Variants in JAZF1 observed in about 807,000 individuals in gnomAD.
JAZF1 encodes juxtaposed with another zinc finger protein 1.
In JAZF1, 8 loss-of-function variants were observed where a neutral mutation model predicts 26.4. The ratio of observed to expected loss-of-function variants is 0.30; its 90% CI spans 0.18 to 0.55. The LOEUF (loss-of-function observed/expected upper bound fraction) is 0.55, where lower values mean the gene tolerates loss of function less well. Among genes scored for constraint, JAZF1 ranks in the 20% least tolerant of loss-of-function variants. The pLI is 0.94. For missense variants in JAZF1, 199 were observed against 322.0 expected (o/e 0.62, Z 2.92); for synonymous variants, 126 against 122.3 (o/e 1.03, Z -0.20).
At chr7:28,029,922 G>C (rs1182545428) in intron 1 of JAZF1, among the ~76,000 whole-genome samples, 2 of 152,224 alleles carry the variant, frequency 1.3e-5, no homozygotes, top group African/African-American at 4.8e-5. Flanking sequence ...GGGTTGAGGT[G>C]AATGGAGCAC....
intron 1 of JAZF1, among the ~76,000 whole-genome samples, chr7:28,051,086 C>T (rs184835530): frequency 1.2e-4 from 17 of 141,306 alleles, no homozygotes; most frequent in Admixed American, 8.9e-4. Flanking sequence ...CAGCCAAGAT[C>T]GCACCATTGC....
At chr7:27,923,492 G>A (rs1470194922) in intron 2 of JAZF1, among the ~76,000 whole-genome samples, 1 of 152,224 alleles carries the variant, frequency 6.6e-6, no homozygotes, top group Non-Finnish European at 1.5e-5. Context: ...TCCGCTGCCA[G>A]ACTCAGCCTC....
intron 1 of JAZF1, among the ~76,000 whole-genome samples, chr7:28,039,878 T>C (rs1783359436): frequency 6.6e-6 from 1 of 152,206 alleles, no homozygotes; most frequent in South Asian, 2.1e-4. Context: ...TTCACTATAC[T>C]TGTCAGTTAA....
At position 28,110,509 on chromosome 7, in the gene JAZF1, G is replaced by A. The variant is rs71532946; in HGVS notation, c.115+69954C>T. ...AAAGGAAAGGAAAGGAAAGGAAAAGGAAAGGAAAAGGAAAAGGAAAAGGAA... is the reference window on the plus strand; with the variant it reads ...AAAGGAAAGGAAAGGAAAGGAAAAGAAAAGGAAAAGGAAAAGGAAAAGGAA... On this transcript the variant is annotated intron_variant, in intron 1 of 4. Transcript: ENST00000283928. Among the ~76,000 whole-genome samples, 88 of 61,078 alleles carry A rather than the reference G, an allele frequency of 1.4e-3. 2 individuals are homozygous for A. Among genetic ancestry groups the A allele is most frequent in the African/African-American group, 4.6e-3 (78 of 16,982 alleles). 40.1% of individuals were successfully genotyped at this position (61,078 alleles called of 152,430 possible).
intron 2 of JAZF1, among the ~76,000 whole-genome samples, chr7:27,925,734 A>G (rs1217928379): frequency 1.3e-5 from 2 of 152,188 alleles, no homozygotes; most frequent in African/African-American, 2.4e-5. Context: ...CCCAAGGCCA[A>G]TATTCATTTG....
At chr7:28,122,927 C>T (rs1782628749) in intron 1 of JAZF1, among the ~76,000 whole-genome samples, 1 of 152,104 alleles carries the variant, frequency 6.6e-6, no homozygotes, top group South Asian at 2.1e-4. Flanking sequence ...CTCATTATTT[C>T]CTGAACACAC....
At chr7:28,051,678 C>T (rs1405383892) in intron 1 of JAZF1, among the ~76,000 whole-genome samples, 1 of 152,124 alleles carries the variant, frequency 6.6e-6, no homozygotes, top group African/African-American at 2.4e-5. Flanking sequence ...ACCCATCACA[C>T]TTCCCCACTA....
intron 1 of JAZF1, among the ~76,000 whole-genome samples, chr7:27,995,673 C>T (rs1439970198): frequency 1.3e-5 from 2 of 152,124 alleles, no homozygotes; most frequent in African/African-American, 4.8e-5. Context: ...CATTAGATGG[C>T]AATGTGTCTA....
At chr7:27,940,250 T>C (rs911096157) in intron 2 of JAZF1, among the ~76,000 whole-genome samples, 12 of 151,944 alleles carry the variant, frequency 7.9e-5, no homozygotes, top group African/African-American at 2.4e-4. Context: ...AGGTGACACC[T>C]TTCTGCTCTC....
chr7:27,973,891 C>T (rs1379508562), intron 2 of JAZF1, among the ~76,000 whole-genome samples: 2 of 152,150 alleles, frequency 1.3e-5, no homozygotes, highest in Non-Finnish European at 2.9e-5. Flanking sequence ...GATCGGTGAA[C>T]TCTTGGGACA....
rs555517803 is a variant in JAZF1, at chr7:27,916,061, G to A, written c.189-20645C>T. On this transcript the variant is annotated intron_variant, in intron 2 of 4. Coordinates refer to ENST00000283928, the MANE Select transcript of JAZF1 (RefSeq NM_175061.4). ...GTGTGCACAGGGGTGGGTATGGGAG[G>A]CCTCAGAGGGCCTTACACCATGCAC... is the stretch of plus-strand genomic sequence containing the variant. Among the ~76,000 whole-genome samples, 5 of 152,180 alleles carry A rather than the reference G, an allele frequency of 3.3e-5. No homozygotes were observed. The South Asian group carries it at 1.0e-3, about 32-fold the overall frequency.
At chr7:28,013,362 A>G (rs749965165) in intron 1 of JAZF1, among the ~76,000 whole-genome samples, 5 of 152,212 alleles carry the variant, frequency 3.3e-5, no homozygotes, top group Non-Finnish European at 7.3e-5. Flanking sequence ...TGATTAAAGA[A>G]GACAGTGGGA....
intron 1 of JAZF1, among the ~76,000 whole-genome samples, chr7:28,022,173 G>C (rs1783017324): frequency 6.6e-6 from 1 of 152,182 alleles, no homozygotes. Context: ...AGACAGCATT[G>C]AACAATATCG....
intron 1 of JAZF1, among the ~76,000 whole-genome samples, chr7:28,123,140 A>G (rs182202687): frequency 1.3e-5 from 2 of 151,488 alleles, no homozygotes; most frequent in Non-Finnish European, 2.9e-5. Context: ...CCTTTTCTTC[A>G]TTGCTTCCAT....
chr7:28,134,672 G>A (rs1782851112), intron 1 of JAZF1, among the ~76,000 whole-genome samples: 1 of 151,674 alleles, frequency 6.6e-6, no homozygotes, highest in Admixed American at 6.6e-5. Flanking sequence ...ACAGGATCCT[G>A]GTTCCTGCAG....
chr7:27,903,206 G>A (rs530819071), intron 2 of JAZF1, among the ~76,000 whole-genome samples: 3 of 152,180 alleles, frequency 2.0e-5, no homozygotes, highest in Non-Finnish European at 2.9e-5. Context: ...TGATTCTGCA[G>A]GCATTAATGT....
chr7:28,135,093 T>C (rs899132104), intron 1 of JAZF1, among the ~76,000 whole-genome samples: 33 of 152,358 alleles, frequency 2.2e-4, no homozygotes, highest in Admixed American at 2.0e-3. Context: ...ATTTTCCTTA[T>C]ATAGTAGCAG....
intron 3 of JAZF1, among the ~76,000 whole-genome samples, chr7:27,874,472 A>G (rs1783639512): frequency 6.6e-6 from 1 of 152,154 alleles, no homozygotes; most frequent in Non-Finnish European, 1.5e-5. Context: ...AGTGCCATAA[A>G]TCTCTCAAGA....
At chr7:28,000,038 A>T (rs1001789609) in intron 1 of JAZF1, among the ~76,000 whole-genome samples, 1 of 152,198 alleles carries the variant, frequency 6.6e-6, no homozygotes, top group Non-Finnish European at 1.5e-5. Flanking sequence ...GAGTGAGCGT[A>T]GCGAATCATT....
Sources: gnomAD v4.1 joint callset for allele counts (sites outside exome capture counted in the v4.1 genomes callset) on GRCh38, gnomAD v4.1.1 for gene constraint, MANE v1.5 for transcripts, NCBI Gene and HGNC (gene_info 2026-07-23, HGNC 2026-07-21) for gene names.